Variants in PDGFRA observed in about 807,000 individuals in gnomAD.
PDGFRA encodes the protein platelet-derived growth factor receptor alpha.
PDGFRA carries 25 observed loss-of-function variants against 121.5 expected under a neutral mutation model. The observed-to-expected ratio is 0.21, with a 90% confidence interval of 0.15 to 0.29. The LOEUF (loss-of-function observed/expected upper bound fraction) is 0.29. PDGFRA is among the 10% of genes least tolerant of loss of function. The probability of loss-of-function intolerance (pLI) is 1.00; values close to 1 mark genes in which losing one functional copy is unlikely to be tolerated. For missense variants in PDGFRA, 1,008 were observed against 1,345.1 expected, an observed-to-expected ratio of 0.75 and a Z score of 3.92; for synonymous variants, 463 against 494.8, an observed-to-expected ratio of 0.94 and a Z score of 0.85.
chr4:54,284,818 A>G (rs202064447), intron 16 of PDGFRA, among the ~76,000 whole-genome samples: 147 of 118,784 alleles, frequency 1.2e-3, no homozygotes, highest in African/African-American at 4.3e-3. Flanking sequence ...GTGTGTGTGT[A>G]TAATTTTTAA....
Position 54,278,023 on chromosome 4 carries a change from GGAGT to G in PDGFRA, c.2002+21_2002+24del, listed in dbSNP as rs749422349. On this transcript the variant is annotated intron_variant, in intron 14 of 22. Coordinates refer to ENST00000257290, the MANE Select transcript of PDGFRA (RefSeq NM_006206.6). ...CCAAGTCAGGTGGGCTCACTGACCT[GGAGT>G]GAGGATTTTCACTGGACACATGTGG... is the stretch of plus-strand genomic sequence containing the variant. 37 of 1,444,182 alleles carry G rather than the reference GGAGT, an allele frequency of 2.6e-5. No homozygotes were observed. The highest frequency in any genetic ancestry group is 1.7e-4 in the Middle Eastern group (1 of 5,750). 89.5% of individuals were successfully genotyped at this position (1,444,182 alleles called of 1,614,324 possible). A position where few individuals can be genotyped will look rare whatever the true frequency, so the allele number is the denominator to read the frequency against.
At chr4:54,281,572 G>C in intron 16 of PDGFRA, 1 of 1,343,962 alleles carries the variant, frequency 7.4e-7, no homozygotes, top group Non-Finnish European at 9.8e-7. Context: ...AGTTTACATT[G>C]CTTCCCAGGC....
At chr4:54,289,247 A>G in intron 21 of PDGFRA, 133 bp downstream of exon 21, 1 of 708,884 alleles carries the variant, frequency 1.4e-6, no homozygotes, top group Non-Finnish European at 2.6e-6. Context: ...GCTGGGCTTC[A>G]TGGCGGTGCT....
In PDGFRA at chr4:54,229,334, T is replaced by C; in HGVS notation, c.-94T>C. On this transcript the variant is annotated 5_prime_UTR_variant, in exon 1 of 23. Coordinates refer to ENST00000257290, the MANE Select transcript of PDGFRA (RefSeq NM_006206.6). ...CAGGGAGAGAAACAGAGGAGGAGAC[T>C]GCAAGAGATCATTGGAGGCCGTGGG... is the stretch of plus-strand genomic sequence containing the variant. The C allele has an allele frequency of 2.5e-6, 1 of 398,606 alleles. No individual in the cohort carries two copies. Among genetic ancestry groups the C allele is most frequent in the Non-Finnish European group, 4.4e-6 (1 of 226,074 alleles). The allele number at this position is 398,606 out of a possible 1,614,324, so 24.7% of individuals were successfully genotyped here.
chr4:54,249,801 A>T (rs115403547), intron 1 of PDGFRA, among the ~76,000 whole-genome samples: 4,596 of 152,090 alleles, frequency 0.03, 227 homozygotes, highest in African/African-American at 0.11. Context: ...TAAAATAAAA[A>T]AATTTTTAAA....
intron 2 of PDGFRA, among the ~76,000 whole-genome samples, chr4:54,260,137 T>G (rs1020463733): frequency 2.6e-5 from 4 of 152,142 alleles, no homozygotes; most frequent in African/African-American, 9.7e-5. Context: ...TGGGTTTTAC[T>G]TACCAATTGT....
chr4:54,281,245 T>A (rs372124467), intron 16 of PDGFRA, among the ~76,000 whole-genome samples: 12 of 152,308 alleles, frequency 7.9e-5, no homozygotes, highest in Admixed American at 3.3e-4. Context: ...CATTGGCTTG[T>A]CCTGTGAGCT....
At chr4:54,265,119 C>A in intron 5 of PDGFRA, 70 bp downstream of exon 5, 1 of 1,440,654 alleles carries the variant, frequency 6.9e-7, no homozygotes, top group Non-Finnish European at 9.8e-7. Flanking sequence ...CATTTGAGCT[C>A]GGTCTGTCAC....
At position 54,255,798 on chromosome 4, in the gene PDGFRA, C is replaced by T. The variant is rs1437990526; in HGVS notation, c.-12-2959C>T. Among the ~76,000 whole-genome samples, 9 of 152,012 alleles carry T rather than the reference C, an allele frequency of 5.9e-5. 1 individual carries two copies. The highest frequency in any genetic ancestry group is 5.9e-4 in the Admixed American group (9 of 15,260). On this transcript the variant is annotated intron_variant, in intron 1 of 22. Coordinates refer to ENST00000257290, the MANE Select transcript of PDGFRA (RefSeq NM_006206.6). ...GGGATTACAGGCGTGAGCCACTGCG[C>T]CCTTCCCTCCTTTTTTTTTTAAAAC...
chr4:54,276,113 G>C (rs1290829058), intron 12 of PDGFRA, among the ~76,000 whole-genome samples: 1 of 152,064 alleles, frequency 6.6e-6, no homozygotes, highest in African/African-American at 2.4e-5. Flanking sequence ...CAATAAACTG[G>C]CTCATCTGAT....
At chr4:54,253,899 G>T (rs575899251) in intron 1 of PDGFRA, among the ~76,000 whole-genome samples, 135 of 152,126 alleles carry the variant, frequency 8.9e-4, no homozygotes, top group African/African-American at 2.7e-3. Flanking sequence ...TGGCCAGGCT[G>T]GTCTTGAACT....
chr4:54,249,910 A>T (rs1160392132), intron 1 of PDGFRA, among the ~76,000 whole-genome samples: 1 of 152,142 alleles, frequency 6.6e-6, no homozygotes, highest in Non-Finnish European at 1.5e-5. Flanking sequence ...TCTACTCTGT[A>T]ACAGAAAATT....
chr4:54,281,943 G>A, intron 16 of PDGFRA: 4 of 1,098,628 alleles, frequency 3.6e-6, no homozygotes, highest in South Asian at 3.2e-5. Flanking sequence ...TACAAAGGTG[G>A]CTTTAAAAAG....
chr4:54,248,496 G>A (rs1415880210), intron 1 of PDGFRA, among the ~76,000 whole-genome samples: 3 of 152,152 alleles, frequency 2.0e-5, no homozygotes, highest in African/African-American at 7.2e-5. Context: ...ATGGTGCTGG[G>A]AAAACTGGCT....
chr4:54,283,872 A>C (rs1399945192), intron 16 of PDGFRA, among the ~76,000 whole-genome samples: 2 of 152,008 alleles, frequency 1.3e-5, no homozygotes, highest in African/African-American at 2.4e-5. Flanking sequence ...AAGTGTTGGG[A>C]TTATAGGTGT....
chr4:54,231,431 C>A (rs550711760), intron 1 of PDGFRA, among the ~76,000 whole-genome samples: 14 of 152,238 alleles, frequency 9.2e-5, no homozygotes, highest in Non-Finnish European at 2.1e-4. Flanking sequence ...CTCCGCAGTG[C>A]ATCTCACCGG....
chr4:54,284,560 GAGAC>G (rs1379979162), intron 16 of PDGFRA, among the ~76,000 whole-genome samples: 280 of 13,006 alleles, frequency 0.022, 1 homozygote, highest in East Asian at 0.045. Flanking sequence ...AAGTGAGAGA[GAGAC>G]AGAGAGAGAG....
chr4:54,280,543 A>G lies in PDGFRA; in HGVS notation c.2323+61A>G, dbSNP rs2110325654. On this transcript the variant is annotated intron_variant, in intron 16 of 22. Coordinates refer to ENST00000257290, the MANE Select transcript of PDGFRA (RefSeq NM_006206.6). ...TTTCCAGTGGTTTAATATGATACTT[A>G]AAGTATTTAGAGGGAAGTGTATAGG... The G allele has an allele frequency of 2.2e-6, 3 of 1,388,040 alleles. No homozygotes were observed. In the South Asian group the frequency reaches 3.5e-5, roughly 16 times the overall value. The allele number at this position is 1,388,040 out of a possible 1,614,324, so 86.0% of individuals were successfully genotyped here.
At chr4:54,272,614 G>A (rs781000932) in intron 9 of PDGFRA, 94 bp downstream of exon 9, 2 of 1,443,620 alleles carry the variant, frequency 1.4e-6, no homozygotes, top group Non-Finnish European at 1.9e-6. Flanking sequence ...TTGACTATAA[G>A]ATAGGGTTTT....
Sources: gnomAD v4.1 joint callset for allele counts (sites outside exome capture counted in the v4.1 genomes callset) on GRCh38, gnomAD v4.1.1 for gene constraint, MANE v1.5 for transcripts, NCBI Gene and HGNC (gene_info 2026-07-23, HGNC 2026-07-21) for gene names.